Variants in DSCAM observed in about 807,000 individuals in gnomAD.
DSCAM encodes the protein cell adhesion molecule DSCAM.
DSCAM carries 47 observed loss-of-function variants against 217.7 expected under a neutral mutation model. That is an observed-to-expected ratio of 0.22 (90% CI 0.17 to 0.28). DSCAM has a LOEUF of 0.28. DSCAM is among the 10% of genes least tolerant of loss of function. DSCAM has a pLI of 1.00. For synonymous variants in DSCAM, 1,056 were observed against 1,015.3 expected (o/e 1.04, Z -0.76); for missense variants, 2,080 against 2,618.3 (o/e 0.79, Z 4.49).
chr21:40,347,117 G>T (rs1372159896), intron 6 of DSCAM, among the ~76,000 whole-genome samples: 2 of 152,044 alleles, frequency 1.3e-5, no homozygotes, highest in Non-Finnish European at 2.9e-5. Context: ...TGACCAACAT[G>T]GAGAAACCCC....
chr21:40,407,606 C>T (rs994054217), intron 3 of DSCAM, among the ~76,000 whole-genome samples: 2 of 152,178 alleles, frequency 1.3e-5, no homozygotes, highest in African/African-American at 2.4e-5. Flanking sequence ...GGAGGGGAGA[C>T]CCTGGAGGAT....
chr21:40,243,810 C>T (rs2073185662), intron 11 of DSCAM, among the ~76,000 whole-genome samples: 1 of 152,178 alleles, frequency 6.6e-6, no homozygotes, highest in Non-Finnish European at 1.5e-5. Context: ...TTGCCAGCAG[C>T]CACCATTGCT....
At chr21:40,051,361 A>T (rs2088927728) in intron 30 of DSCAM, among the ~76,000 whole-genome samples, 1 of 152,234 alleles carries the variant, frequency 6.6e-6, no homozygotes. Flanking sequence ...TGCAAATATT[A>T]ATAACAAAAT....
chr21:40,342,626 G>GTGTGTA (rs1491362590), intron 6 of DSCAM, among the ~76,000 whole-genome samples: 118 of 94,708 alleles, frequency 1.2e-3, no homozygotes, highest in African/African-American at 5.0e-3. Flanking sequence ...GTGTGTGTGT[G>GTGTGTA]TATATATATA....
intron 1 of DSCAM, among the ~76,000 whole-genome samples, chr21:40,785,607 C>G (rs2091586201): frequency 6.6e-6 from 1 of 152,240 alleles, no homozygotes. Context: ...CACAGTATGG[C>G]TTCCCGCCAA....
At chr21:40,712,419 C>A (rs1225912509) in intron 1 of DSCAM, among the ~76,000 whole-genome samples, 1 of 142,900 alleles carries the variant, frequency 7.0e-6, no homozygotes, top group Non-Finnish European at 1.5e-5. Flanking sequence ...GCCGAGATTG[C>A]GCCACTGCAG....
intron 3 of DSCAM, among the ~76,000 whole-genome samples, chr21:40,492,104 T>C (rs2076080641): frequency 6.6e-6 from 1 of 152,144 alleles, no homozygotes. Context: ...ATAAATATCT[T>C]TCAAATAAAT....
At chr21:40,212,170 G>A (rs2091192051) in intron 11 of DSCAM, among the ~76,000 whole-genome samples, 1 of 151,940 alleles carries the variant, frequency 6.6e-6, no homozygotes, top group East Asian at 2.0e-4. Flanking sequence ...GGGTTTCTCT[G>A]TGTTGGCCAG....
intron 1 of DSCAM, among the ~76,000 whole-genome samples, chr21:40,766,422 ATAAC>A (rs932903582): frequency 1.4e-4 from 21 of 152,274 alleles, no homozygotes; most frequent in South Asian, 1.0e-3. Flanking sequence ...AAGATGACAC[ATAAC>A]TAACTAAAAT....
chr21:40,289,008 C>T (rs890157039), intron 10 of DSCAM, among the ~76,000 whole-genome samples: 2 of 152,162 alleles, frequency 1.3e-5, no homozygotes, highest in African/African-American at 4.8e-5. Flanking sequence ...TTACTAAAAT[C>T]AAGTCCAAAT....
chr21:40,116,724 C>T (rs560371790), intron 20 of DSCAM, among the ~76,000 whole-genome samples: 7 of 151,260 alleles, frequency 4.6e-5, no homozygotes, highest in Admixed American at 2.0e-4. Context: ...GAGATTCGAC[C>T]GGGCGCGGTG....
chr21:40,193,759 T>C (rs1056768393), intron 11 of DSCAM, among the ~76,000 whole-genome samples: 6 of 152,224 alleles, frequency 3.9e-5, no homozygotes, highest in African/African-American at 1.4e-4. Context: ...TATAAAATGG[T>C]AAGACATAAA....
chr21:40,362,081 G>A (rs1006804974), intron 4 of DSCAM, among the ~76,000 whole-genome samples: 9 of 152,040 alleles, frequency 5.9e-5, no homozygotes, highest in Non-Finnish European at 1.2e-4. Flanking sequence ...TTTCATCCAT[G>A]TCCCTACAAA....
At chr21:40,542,506 G>A (rs1276107674) in intron 3 of DSCAM, among the ~76,000 whole-genome samples, 1 of 152,212 alleles carries the variant, frequency 6.6e-6, no homozygotes, top group Non-Finnish European at 1.5e-5. Context: ...GAGGTCGTGA[G>A]GGTGGGACCC....
chr21:40,664,292 A>G (rs1048576108), intron 3 of DSCAM, among the ~76,000 whole-genome samples: 1 of 152,180 alleles, frequency 6.6e-6, no homozygotes, highest in Admixed American at 6.5e-5. Context: ...TGGGACTTCC[A>G]TTGTATTTTC....
At chr21:40,188,942 A>G in intron 12 of DSCAM, 100 bp downstream of exon 12, 1 of 1,220,716 alleles carries the variant, frequency 8.2e-7, no homozygotes, top group South Asian at 1.4e-5. Context: ...ATAAATTCCG[A>G]AAGATTATCT....
intron 8 of DSCAM, among the ~76,000 whole-genome samples, chr21:40,321,671 C>T (rs976662164): frequency 2.0e-5 from 3 of 151,188 alleles, no homozygotes; most frequent in African/African-American, 7.3e-5. Flanking sequence ...CCACCTCAAC[C>T]AGATTAATGT....
chr21:40,150,806 T>C (rs762382637), intron 16 of DSCAM, among the ~76,000 whole-genome samples: 19 of 152,230 alleles, frequency 1.2e-4, no homozygotes, highest in Non-Finnish European at 2.2e-4. Context: ...ATAGAGAATA[T>C]ATCCTTATAG....
chr21:40,462,219 C>A (rs2075811665), intron 3 of DSCAM, among the ~76,000 whole-genome samples: 1 of 152,202 alleles, frequency 6.6e-6, no homozygotes, highest in Admixed American at 6.5e-5. Context: ...CACCCACAAA[C>A]AGGAACCCAA....
Sources: allele counts gnomAD v4.1 joint callset (sites outside exome capture counted in the v4.1 genomes callset), GRCh38; gene constraint gnomAD v4.1.1; transcripts MANE v1.5; gene names NCBI Gene and HGNC (gene_info 2026-07-23, HGNC 2026-07-21).